The following ELAVL2 variants were observed in gnomAD, a reference collection of about 807,000 sequenced individuals.
The protein encoded by ELAVL2 is ELAV-like protein 2.
A neutral mutation model predicts 34.6 loss-of-function variants in ELAVL2; 4 were observed. That is an observed-to-expected ratio of 0.12 (90% CI 0.06 to 0.26). The LOEUF (loss-of-function observed/expected upper bound fraction) is 0.26, where lower values mean the gene tolerates loss of function less well. ELAVL2 is among the 10% of genes least tolerant of loss of function. The pLI is 1.00. For missense variants in ELAVL2, 432 were observed against 442.8 expected (o/e 0.98, Z 0.22); for synonymous variants, 193 against 154.8 (o/e 1.25, Z -1.83).
upstream of ELAVL2, among the ~76,000 whole-genome samples, chr9:23,826,546 A>G (rs1330572869): frequency 6.6e-6 from 1 of 152,212 alleles, no homozygotes; most frequent in Non-Finnish European, 1.5e-5. Flanking sequence ...TACACTCTTA[A>G]CACTGGCGGC....
intron 1 of ELAVL2, among the ~76,000 whole-genome samples, chr9:23,762,676 G>A (rs547553786): frequency 6.6e-6 from 1 of 152,184 alleles, no homozygotes; most frequent in South Asian, 2.1e-4. Context: ...TAACTCTGAA[G>A]AGATTTTCAG....
chr9:23,709,539 A>T (rs976647990), intron 3 of ELAVL2, among the ~76,000 whole-genome samples: 5 of 152,084 alleles, frequency 3.3e-5, no homozygotes, highest in African/African-American at 1.2e-4. Context: ...AGAAAGTGTT[A>T]AGTATCTTTT....
At chr9:23,842,223 C>A in the ELAVL2 span, among the ~76,000 whole-genome samples, 2 of 152,138 alleles carry the variant, frequency 1.3e-5, no homozygotes, top group Non-Finnish European at 2.9e-5. Flanking sequence ...ATTCTCACAG[C>A]TGGAAGCTGA....
intron 4 of ELAVL2, among the ~76,000 whole-genome samples, chr9:23,703,621 G>C (rs543436722): frequency 6.6e-5 from 10 of 152,270 alleles, no homozygotes; most frequent in African/African-American, 2.4e-4. Flanking sequence ...ATTAGATTCA[G>C]ATCAACTAAA....
intron 3 of ELAVL2, among the ~76,000 whole-genome samples, chr9:23,713,493 T>C (rs1469517394): frequency 3.9e-5 from 6 of 152,220 alleles, no homozygotes; most frequent in African/African-American, 1.4e-4. Flanking sequence ...CTTTAGAAGG[T>C]GATTACACTA....
At chr9:23,812,872 C>T (rs997945252) in intron 1 of ELAVL2, among the ~76,000 whole-genome samples, 1 of 151,992 alleles carries the variant, frequency 6.6e-6, no homozygotes, top group African/African-American at 2.4e-5. Context: ...TCTGATTCAT[C>T]GTTATAACTG....
At chr9:23,806,021 T>C (rs2062174600) in intron 1 of ELAVL2, among the ~76,000 whole-genome samples, 1 of 152,116 alleles carries the variant, frequency 6.6e-6, no homozygotes, top group Non-Finnish European at 1.5e-5. Context: ...ACAGATACCA[T>C]AAATTCTTAA....
intron 1 of ELAVL2, among the ~76,000 whole-genome samples, chr9:23,769,208 C>A (rs1263639318): frequency 6.6e-6 from 1 of 152,074 alleles, no homozygotes; most frequent in East Asian, 1.9e-4. Context: ...AAAACACAAA[C>A]AAACAAACAA....
At chr9:23,709,317 G>A (rs1488633021) in intron 3 of ELAVL2, among the ~76,000 whole-genome samples, 4 of 152,114 alleles carry the variant, frequency 2.6e-5, no homozygotes, top group African/African-American at 7.2e-5. Context: ...AGACCTAAGT[G>A]GGAAGAAGGC....
intron 1 of ELAVL2, among the ~76,000 whole-genome samples, chr9:23,776,077 T>C (rs148932377): frequency 1.7e-4 from 26 of 152,298 alleles, no homozygotes; most frequent in Admixed American, 5.9e-4. Context: ...TTATGTTCCC[T>C]GCCAAGTGGG....
At chr9:23,812,985 T>C (rs2063212518) in intron 1 of ELAVL2, among the ~76,000 whole-genome samples, 1 of 152,062 alleles carries the variant, frequency 6.6e-6, no homozygotes, top group Non-Finnish European at 1.5e-5. Context: ...TTCATATCTA[T>C]TTACCAGGCT....
chr9:23,840,620 TAC>T, the ELAVL2 span, among the ~76,000 whole-genome samples: 1 of 152,186 alleles, frequency 6.6e-6, no homozygotes. Flanking sequence ...AGATTTTACT[TAC>T]ATTCATATTG....
At chr9:23,720,287 C>A (rs182609150) in intron 3 of ELAVL2, among the ~76,000 whole-genome samples, 29 of 152,162 alleles carry the variant, frequency 1.9e-4, no homozygotes, top group African/African-American at 7.0e-4. Flanking sequence ...ATTCTCCCTG[C>A]CTCAGCCTCC....
chr9:23,715,320 GT>G (rs1474724228), intron 3 of ELAVL2, among the ~76,000 whole-genome samples: 2 of 151,820 alleles, frequency 1.3e-5, no homozygotes, highest in Admixed American at 6.6e-5. Flanking sequence ...GGCTAATTTT[GT>G]TGTATTTTTG....
chr9:23,814,342 G>A (rs1420762066), intron 1 of ELAVL2, among the ~76,000 whole-genome samples: 1 of 152,114 alleles, frequency 6.6e-6, no homozygotes, highest in Non-Finnish European at 1.5e-5. Context: ...AAGTGAGCAG[G>A]TTGCACCTGA....
chr9:23,705,911 T>G (rs1355719536), intron 3 of ELAVL2, among the ~76,000 whole-genome samples: 3 of 152,190 alleles, frequency 2.0e-5, no homozygotes, highest in African/African-American at 7.2e-5. Context: ...AGATTCCAAA[T>G]TCATGGAACA....
At chr9:23,726,308 AT>A (rs1164447928) in intron 3 of ELAVL2, among the ~76,000 whole-genome samples, 1 of 152,120 alleles carries the variant, frequency 6.6e-6, no homozygotes, top group Non-Finnish European at 1.5e-5. Context: ...TTATTTCAGT[AT>A]AAGAAATTTC....
chr9:23,810,507 G>A (rs941238807), intron 1 of ELAVL2, among the ~76,000 whole-genome samples: 5 of 152,262 alleles, frequency 3.3e-5, no homozygotes, highest in Admixed American at 3.3e-4. Flanking sequence ...TACAATTGCT[G>A]CTGGAGTCAC....
At chr9:23,778,794 C>G (rs1213680509) in intron 1 of ELAVL2, among the ~76,000 whole-genome samples, 1 of 151,798 alleles carries the variant, frequency 6.6e-6, no homozygotes, top group African/African-American at 2.4e-5. Context: ...AAAAATGAGG[C>G]AAAAAAGCAT....
Sources: allele counts gnomAD v4.1 joint callset (sites outside exome capture counted in the v4.1 genomes callset), GRCh38; gene constraint gnomAD v4.1.1; transcripts MANE v1.5; gene names NCBI Gene and HGNC (gene_info 2026-07-23, HGNC 2026-07-21).